The following ZBTB7C variants were observed in gnomAD, a reference collection of about 807,000 sequenced individuals.
ZBTB7C encodes zinc finger and BTB domain-containing protein 7C.
Under a neutral mutation model 25.7 loss-of-function variants are expected in ZBTB7C, and 8 were observed. The ratio of observed to expected loss-of-function variants is 0.31; its 90% CI spans 0.18 to 0.56. The LOEUF (loss-of-function observed/expected upper bound fraction) is 0.56, where lower values mean the gene tolerates loss of function less well. Ranked by LOEUF, ZBTB7C falls within the 20% of genes least tolerant of loss-of-function variation. The probability of loss-of-function intolerance (pLI) is 0.91; values close to 1 mark genes in which losing one functional copy is unlikely to be tolerated. For synonymous variants in ZBTB7C, 394 were observed against 369.0 expected (o/e 1.07, Z -0.78); for missense variants, 824 against 855.2 (o/e 0.96, Z 0.46).
chr18:48,087,224 G>A (rs746831177), intron 3 of ZBTB7C, among the ~76,000 whole-genome samples: 3 of 152,212 alleles, frequency 2.0e-5, no homozygotes, highest in Non-Finnish European at 2.9e-5. Context: ...AGCAAGGAGG[G>A]CATCTGAATT....
At chr18:48,399,850 A>G (rs1418180169) in intron 1 of ZBTB7C, among the ~76,000 whole-genome samples, 1 of 152,182 alleles carries the variant, frequency 6.6e-6, no homozygotes, top group East Asian at 1.9e-4. Context: ...TCAGGAGCTT[A>G]AAATACATTT....
intron 3 of ZBTB7C, among the ~76,000 whole-genome samples, chr18:48,155,318 CTTTTTTTTTTTTTT>C (rs578058729): frequency 0.036 from 2,831 of 78,206 alleles, 133 homozygotes; most frequent in African/African-American, 0.14. Context: ...CTGTAATATT[CTTTTTTTTTTTTTT>C]TTTTTTTTTT....
In ZBTB7C at chr18:48,081,437, TTTTTTCTTTTTC is replaced by T. The variant is rs139489453; in HGVS notation, c.-16-40326_-16-40315del. 3.4e-3 allele frequency among the ~76,000 whole-genome samples: 506 copies of T among 147,906 alleles called. 4 individuals carry two copies. The highest frequency in any genetic ancestry group is 0.01 in the Middle Eastern group (3 of 290). On this transcript the variant is annotated intron_variant, in intron 3 of 4. Coordinates refer to ENST00000590800, the MANE Select transcript of ZBTB7C (RefSeq NM_001318841.2). ...GGTTTTGCTCATTCTAAATGATTTC[TTTTTTCTTTTTC>T]TTTTTCTTTTTCTTTTTTTTTTTGG...
At chr18:48,348,756 G>A (rs1379947292) in intron 1 of ZBTB7C, among the ~76,000 whole-genome samples, 1 of 152,262 alleles carries the variant, frequency 6.6e-6, no homozygotes, top group African/African-American at 2.4e-5. Flanking sequence ...GGCAGAGGTT[G>A]CAGTGAGCTG....
intron 3 of ZBTB7C, among the ~76,000 whole-genome samples, chr18:48,155,111 T>A (rs2040796948): frequency 6.6e-6 from 1 of 152,120 alleles, no homozygotes; most frequent in Non-Finnish European, 1.5e-5. Flanking sequence ...ATGTTAAAAT[T>A]GTGCATGAAA....
At chr18:48,348,212 C>T (rs1451998957) in intron 1 of ZBTB7C, among the ~76,000 whole-genome samples, 1 of 152,202 alleles carries the variant, frequency 6.6e-6, no homozygotes, top group Non-Finnish European at 1.5e-5. Context: ...TTGATGCCGT[C>T]ATAGGAGCCA....
chr18:48,030,153 C>T (rs895613807), intron 4 of ZBTB7C, among the ~76,000 whole-genome samples: 1 of 152,184 alleles, frequency 6.6e-6, no homozygotes, highest in African/African-American at 2.4e-5. Context: ...CCCCCAAACT[C>T]CTTTTATACC....
chr18:48,235,105 T>C (rs944873536), intron 2 of ZBTB7C, among the ~76,000 whole-genome samples: 18 of 152,360 alleles, frequency 1.2e-4, no homozygotes, highest in African/African-American at 4.3e-4. Flanking sequence ...ACTTGAGTTT[T>C]TGTTAATCCA....
chr18:48,180,602 G>T (rs2041890367), intron 3 of ZBTB7C: 1 of 311,550 alleles, frequency 3.2e-6, no homozygotes, highest in Non-Finnish European at 6.3e-6. Flanking sequence ...GGTGATGGGG[G>T]GGTGGGCCAG....
At chr18:48,237,486 C>T (rs2145378050) in intron 2 of ZBTB7C, among the ~76,000 whole-genome samples, 1 of 152,232 alleles carries the variant, frequency 6.6e-6, no homozygotes, top group South Asian at 2.1e-4. Context: ...AAAAGATGCT[C>T]AACCTTGGCT....
chr18:48,080,936 G>A (rs557205774), intron 3 of ZBTB7C, among the ~76,000 whole-genome samples: 9 of 152,156 alleles, frequency 5.9e-5, no homozygotes, highest in African/African-American at 1.4e-4. Context: ...CTTGAGATTC[G>A]TGTATTCTTT....
chr18:48,112,732 T>C (rs1000711959), intron 3 of ZBTB7C, among the ~76,000 whole-genome samples: 1 of 152,218 alleles, frequency 6.6e-6, no homozygotes. Context: ...ACAAAGTATA[T>C]GTGCGGTAAA....
intron 2 of ZBTB7C, among the ~76,000 whole-genome samples, chr18:48,275,893 C>T (rs2044634023): frequency 6.6e-6 from 1 of 152,116 alleles, no homozygotes; most frequent in Non-Finnish European, 1.5e-5. Flanking sequence ...CAACAGGAAC[C>T]GATCAACTAC....
intron 1 of ZBTB7C, among the ~76,000 whole-genome samples, chr18:48,382,399 C>A (rs2145212625): frequency 6.6e-6 from 1 of 152,296 alleles, no homozygotes; most frequent in Non-Finnish European, 1.5e-5. Context: ...CTTCACTATG[C>A]CACGGCTATT....
chr18:48,041,852 TGCAATATAAATATAAA>T (rs1425883283), intron 3 of ZBTB7C, among the ~76,000 whole-genome samples: 1 of 151,952 alleles, frequency 6.6e-6, no homozygotes, highest in African/African-American at 2.4e-5. Flanking sequence ...ATAAATATAA[TGCAATATAAATATAAA>T]TTCAAGTACA....
At chr18:48,096,043 G>T (rs766381195) in intron 3 of ZBTB7C, among the ~76,000 whole-genome samples, 1 of 152,208 alleles carries the variant, frequency 6.6e-6, no homozygotes, top group Admixed American at 6.5e-5. Context: ...CTGAGCTATT[G>T]CACCTGCAGC....
intron 2 of ZBTB7C, among the ~76,000 whole-genome samples, chr18:48,227,755 G>A (rs1001573468): frequency 3.3e-5 from 5 of 152,152 alleles, no homozygotes; most frequent in Non-Finnish European, 5.9e-5. Flanking sequence ...TTCTAGCAAC[G>A]AAATAGGAAA....
At chr18:48,389,230 C>CGTGTGTGTGTGTGTG (rs2047829832) in intron 1 of ZBTB7C, among the ~76,000 whole-genome samples, 1 of 78,774 alleles carries the variant, frequency 1.3e-5, no homozygotes, top group African/African-American at 5.5e-5. Flanking sequence ...CTCTCTCTCT[C>CGTGTGTGTGTGTGTG]TCTCTCGTGT....
At chr18:48,057,454 C>A (rs2144297352) in intron 3 of ZBTB7C, among the ~76,000 whole-genome samples, 1 of 152,246 alleles carries the variant, frequency 6.6e-6, no homozygotes, top group Non-Finnish European at 1.5e-5. Context: ...AGATTTATCA[C>A]TATGCTGCAT....
Sources: allele counts gnomAD v4.1 joint callset (sites outside exome capture counted in the v4.1 genomes callset), GRCh38; gene constraint gnomAD v4.1.1; transcripts MANE v1.5; gene names NCBI Gene and HGNC (gene_info 2026-07-23, HGNC 2026-07-21).